The following PXDNL variants were observed in gnomAD, a reference collection of about 807,000 sequenced individuals.
PXDNL encodes the protein probable oxidoreductase PXDNL.
A neutral mutation model predicts 150.8 loss-of-function variants in PXDNL; 145 were observed. That is an observed-to-expected ratio of 0.96 (90% confidence interval 0.84 to 1.10). The LOEUF (loss-of-function observed/expected upper bound fraction) is 1.10. Among genes scored for constraint, PXDNL ranks in the 50% least tolerant of loss-of-function variants. The probability of loss-of-function intolerance (pLI) is 0.00; values close to 1 mark genes in which losing one functional copy is unlikely to be tolerated. For missense variants in PXDNL, 2,087 were observed against 1,873.9 expected, an observed-to-expected ratio of 1.11 and a Z score of -2.10; for synonymous variants, 757 against 725.7, an observed-to-expected ratio of 1.04 and a Z score of -0.69.
chr8:51,465,799 T>C (rs918573876), intron 8 of PXDNL, among the ~76,000 whole-genome samples: 2 of 152,114 alleles, frequency 1.3e-5, no homozygotes, highest in African/African-American at 2.4e-5. Flanking sequence ...TCACTTACAA[T>C]AGCCACAAAA....
chr8:51,720,662 T>C (rs1007578248), intron 1 of PXDNL, among the ~76,000 whole-genome samples: 19 of 152,396 alleles, frequency 1.2e-4, no homozygotes, highest in African/African-American at 3.4e-4. Flanking sequence ...CAGATTAATT[T>C]AATAAACTCT....
At chr8:51,579,008 GA>G (rs903230361) in intron 3 of PXDNL, among the ~76,000 whole-genome samples, 3 of 151,868 alleles carry the variant, frequency 2.0e-5, no homozygotes, top group African/African-American at 4.8e-5. Flanking sequence ...AATCTTTTAA[GA>G]AAAAAAGTTA....
chr8:51,457,494 T>C lies in PXDNL; in HGVS notation c.982+4A>G, dbSNP rs1376153033. On this transcript the variant is annotated splice_donor_region_variant and intron_variant, in intron 9 of 22. Transcript: ENST00000356297. ...TTGATAGAACTAGAAAATAATAGTT[T>C]TACCTGGAAGACTGGAGTATCTGAG... is the stretch of plus-strand genomic sequence containing the variant. 4 of 1,601,658 alleles carry C rather than the reference T, an allele frequency of 2.5e-6. No individual in the cohort carries two copies. The African/African-American group carries it at 4.0e-5, about 16-fold the overall frequency.
At chr8:51,764,218 T>C (rs1361667165) in intron 1 of PXDNL, among the ~76,000 whole-genome samples, 2 of 152,144 alleles carry the variant, frequency 1.3e-5, no homozygotes, top group Admixed American at 6.5e-5. Flanking sequence ...TTGGTCTAGC[T>C]AAAGATTTGT....
rs35975042 is a variant in PXDNL at position 51,800,464 on chromosome 8, C to T, written c.164+8717G>A. ...GGAGTAACAGGGAGAAGAAAGGCTT[C>T]CCCAAGGTGAGCTCTGAGCTGCTTC... is the stretch of plus-strand genomic sequence containing the variant. On this transcript the variant is annotated intron_variant, in intron 1 of 22. Transcript: ENST00000356297. Among the ~76,000 whole-genome samples the T allele has an allele frequency of 5.2e-3, 791 of 152,194 alleles. 4 individuals carry two copies. Among genetic ancestry groups the T allele is most frequent in the Non-Finnish European group, 8.8e-3 (597 of 68,008 alleles).
chr8:51,654,316 A>G (rs1334549408), intron 2 of PXDNL, among the ~76,000 whole-genome samples: 1 of 152,242 alleles, frequency 6.6e-6, no homozygotes, highest in Non-Finnish European at 1.5e-5. Flanking sequence ...AAGGCCTAGT[A>G]GCATACTGAG....
At chr8:51,774,999 T>A (rs1277253759) in intron 1 of PXDNL, among the ~76,000 whole-genome samples, 1 of 152,198 alleles carries the variant, frequency 6.6e-6, no homozygotes, top group Non-Finnish European at 1.5e-5. Context: ...TCAAGAGGTT[T>A]CTGAAAGTCT....
At chr8:51,637,054 C>T (rs970520424) in intron 2 of PXDNL, among the ~76,000 whole-genome samples, 4 of 152,162 alleles carry the variant, frequency 2.6e-5, no homozygotes, top group Non-Finnish European at 5.9e-5. Context: ...TGCTCTGCAG[C>T]CTCCACTGCT....
intron 20 of PXDNL, among the ~76,000 whole-genome samples, chr8:51,344,847 T>C (rs1233340588): frequency 2.0e-5 from 3 of 152,194 alleles, no homozygotes; most frequent in Non-Finnish European, 1.5e-5. Flanking sequence ...AATGGAGATT[T>C]GGAAATTTTA....
chr8:51,788,110 CAT>C (rs2037477248), intron 1 of PXDNL, among the ~76,000 whole-genome samples: 1 of 152,218 alleles, frequency 6.6e-6, no homozygotes, highest in South Asian at 2.1e-4. Flanking sequence ...ATAGTGTAAA[CAT>C]AACTTTTATA....
chr8:51,426,205 T>G (rs1313837597), intron 13 of PXDNL, among the ~76,000 whole-genome samples: 1 of 152,176 alleles, frequency 6.6e-6, no homozygotes, highest in East Asian at 1.9e-4. Context: ...TTAAAGCCAT[T>G]CAGGTTTTGA....
chr8:51,704,717 A>C (rs941035555), intron 1 of PXDNL, among the ~76,000 whole-genome samples: 3 of 152,230 alleles, frequency 2.0e-5, no homozygotes, highest in Non-Finnish European at 4.4e-5. Context: ...ACCAACTTGC[A>C]ACCTCTGATT....
intron 1 of PXDNL, among the ~76,000 whole-genome samples, chr8:51,767,030 T>C (rs2037239395): frequency 6.6e-6 from 1 of 152,144 alleles, no homozygotes; most frequent in African/African-American, 2.4e-5. Flanking sequence ...TTTATACCTC[T>C]ATTGATGTTT....
chr8:51,357,137 T>C lies in PXDNL; in HGVS notation c.3902-11190A>G, dbSNP rs372539755. Among the ~76,000 whole-genome samples the C allele has an allele frequency of 2.6e-5, 4 of 152,354 alleles. 1 individual carries two copies. Among genetic ancestry groups the C allele is most frequent in the African/African-American group, 7.2e-5 (3 of 41,584 alleles). ...TCATGGACAACAAGCAACATAATCT[T>C]TGGCCAGAATATCCCATTATTTGAA... On this transcript the variant is annotated intron_variant, in intron 19 of 22. Transcript: ENST00000356297.
chr8:51,411,625 A>G (rs1421776964), intron 15 of PXDNL, among the ~76,000 whole-genome samples: 1 of 152,212 alleles, frequency 6.6e-6, no homozygotes, highest in Non-Finnish European at 1.5e-5. Flanking sequence ...TCAAAAATAT[A>G]TATTTTTAAT....
At chr8:51,507,968 T>C (rs1348856212) in intron 4 of PXDNL, among the ~76,000 whole-genome samples, 2 of 152,144 alleles carry the variant, frequency 1.3e-5, no homozygotes, top group Admixed American at 6.5e-5. Context: ...GGAGCCTCAA[T>C]TGAAGGCTGC....
intron 3 of PXDNL, 76 bp downstream of exon 3, chr8:51,592,551 A>C: frequency 1.2e-6 from 1 of 857,914 alleles, no homozygotes. Flanking sequence ...ATTTTAATTT[A>C]AAGTAAACAC....
intron 7 of PXDNL, among the ~76,000 whole-genome samples, 200 bp from the exon 8 acceptor site, chr8:51,472,504 C>T (rs1265496933): frequency 6.6e-6 from 1 of 152,130 alleles, no homozygotes; most frequent in Non-Finnish European, 1.5e-5. Flanking sequence ...TTGAAAAATT[C>T]ACTGCACAAA....
intron 17 of PXDNL, among the ~76,000 whole-genome samples, chr8:51,403,186 T>C (rs932312673): frequency 1.3e-5 from 2 of 151,976 alleles, no homozygotes; most frequent in African/African-American, 4.8e-5. Flanking sequence ...TTCATTTTCA[T>C]ATGATCCTGG....
Sources: gnomAD v4.1 joint callset for allele counts (sites outside exome capture counted in the v4.1 genomes callset) on GRCh38, gnomAD v4.1.1 for gene constraint, MANE v1.5 for transcripts, NCBI Gene and HGNC (gene_info 2026-07-23, HGNC 2026-07-21) for gene names.